Variants in ZNF365 observed in about 807,000 individuals in gnomAD.
ZNF365 encodes zinc finger protein 365, also known as protein ZNF365.
In ZNF365, 22 loss-of-function variants were observed where a neutral mutation model predicts 35.0. The ratio of observed to expected loss-of-function variants is 0.63; its 90% CI spans 0.45 to 0.90. ZNF365 has a LOEUF of 0.90. ZNF365 is among the 40% of genes least tolerant of loss of function. The pLI, the probability that ZNF365 is intolerant of heterozygous loss-of-function variation, is 0.00. For missense variants in ZNF365, 448 were observed against 500.3 expected, an observed-to-expected ratio of 0.90 and a Z score of 1.00; for synonymous variants, 188 against 196.2, an observed-to-expected ratio of 0.96 and a Z score of 0.35.
chr10:62,414,580 T>C (rs760751406), intron 3 of ZNF365, among the ~76,000 whole-genome samples: 9 of 152,168 alleles, frequency 5.9e-5, no homozygotes, highest in Non-Finnish European at 7.3e-5. Context: ...ACCTGGTGGA[T>C]CATCCAGGTA....
At chr10:62,422,312 C>T (rs1313562954) in intron 3 of ZNF365, among the ~76,000 whole-genome samples, 1 of 152,126 alleles carries the variant, frequency 6.6e-6, no homozygotes, top group Admixed American at 6.5e-5. Context: ...AGTCGCTATG[C>T]CTTACACCCT....
chr10:62,464,334 C>G (rs1010592708), intron 4 of ZNF365, among the ~76,000 whole-genome samples: 1 of 152,196 alleles, frequency 6.6e-6, no homozygotes. Context: ...TCAAAACACC[C>G]CATCCTATTT....
At chr10:62,455,700 T>C (rs1337985107) in intron 3 of ZNF365, among the ~76,000 whole-genome samples, 2 of 152,170 alleles carry the variant, frequency 1.3e-5, no homozygotes, top group African/African-American at 4.8e-5. Context: ...AAATATTGAA[T>C]GTTTACCACA....
chr10:62,399,658 G>T lies in ZNF365; in HGVS notation c.1093G>T (p.Glu365Ter). 2 of 1,614,118 alleles carry T rather than the reference G, an allele frequency of 1.2e-6. No homozygotes were observed. Among genetic ancestry groups the T allele is most frequent in the Non-Finnish European group, 1.7e-6 (2 of 1,180,032 alleles). Residue 365 changes from glutamate to a stop codon, truncating the protein, a stop_gained, in exon 5 of 5, where the codon GAA (glutamate) becomes TAA (stop). Transcript: ENST00000395254. LOFTEE classifies it high-confidence loss of function. ...ASMQPAKAIH[E>*]QAESSRDLCR... The stretch of plus-strand genomic sequence containing the variant: ...CATGCAGCCTGCCAAGGCCATTCAC[G>T]AACAGGCTGAGTCCTCAAGAGACCT...
chr10:62,478,438 T>G (rs899657380), intron 4 of ZNF365, among the ~76,000 whole-genome samples: 70 of 152,226 alleles, frequency 4.6e-4, no homozygotes, highest in African/African-American at 1.5e-3. Context: ...TGGGAAGTCT[T>G]ACTTTTACAT....
chr10:62,452,836 A>T (rs1840705401), intron 3 of ZNF365, among the ~76,000 whole-genome samples: 1 of 152,256 alleles, frequency 6.6e-6, no homozygotes, highest in Non-Finnish European at 1.5e-5. Flanking sequence ...AAGATATTAA[A>T]TTATTCTCCT....
downstream of ZNF365, among the ~76,000 whole-genome samples, chr10:62,404,339 G>A (rs78434809): frequency 0.021 from 3,221 of 152,300 alleles, 130 homozygotes; most frequent in African/African-American, 0.074. Flanking sequence ...TACATATTTT[G>A]TGTGGCTGCA....
intron 2 of ZNF365, among the ~76,000 whole-genome samples, chr10:62,379,793 A>G (rs953703388): frequency 1.3e-5 from 2 of 152,192 alleles, no homozygotes; most frequent in Non-Finnish European, 2.9e-5. Flanking sequence ...TGCTTCCACC[A>G]AAGAGTTGGC....
At chr10:62,413,789 A>T (rs1399584628) in intron 3 of ZNF365, among the ~76,000 whole-genome samples, 1 of 152,212 alleles carries the variant, frequency 6.6e-6, no homozygotes, top group Admixed American at 6.5e-5. Flanking sequence ...AACCAGAAAT[A>T]AGAGGAGGAG....
Position 62,401,944 on chromosome 10 carries a change from T to G in ZNF365, c.*2155T>G, listed in dbSNP as rs939687121. The stretch of plus-strand genomic sequence containing the variant: ...TGTTTTTTTACGTTCCCACTAAATT[T>G]TGACCCCATATAAAGAAATGTGTTA... On this transcript the variant is annotated 3_prime_UTR_variant, in exon 5 of 5. Coordinates refer to ENST00000395254, the MANE Select transcript of ZNF365 (RefSeq NM_014951.3). 5.1e-6 allele frequency: 5 copies of G among 985,548 alleles called. No individual in the cohort carries two copies. Among genetic ancestry groups the G allele is most frequent in the Non-Finnish European group, 4.8e-6 (4 of 829,892 alleles). The allele number at this position is 985,548 out of a possible 1,614,324, so 61.1% of individuals were successfully genotyped here. A position where few individuals can be genotyped will look rare whatever the true frequency, so the allele number is the denominator to read the frequency against.
intron 3 of ZNF365, among the ~76,000 whole-genome samples, chr10:62,428,402 T>C (rs1472589467): frequency 6.6e-6 from 1 of 152,096 alleles, no homozygotes; most frequent in Non-Finnish European, 1.5e-5. Flanking sequence ...CTCATGATAG[T>C]GAGTGAGCTC....
At position 62,381,658 on chromosome 10, in the gene ZNF365, A is replaced by C. The variant is rs1839441433; in HGVS notation, c.743+4722A>C. Among the ~76,000 whole-genome samples, 4 of 152,114 alleles carry C rather than the reference A, an allele frequency of 2.6e-5. No homozygotes were observed. The South Asian group carries it at 8.3e-4, about 31-fold the overall frequency. ...CATCTGAGGTGTTGGGAGGCAGGGG[A>C]AGGGTGGCATCATCAGTGTGGTCAT... On this transcript the variant is annotated intron_variant, in intron 2 of 4. Coordinates refer to ENST00000395254, the MANE Select transcript of ZNF365 (RefSeq NM_014951.3).
At chr10:62,433,847 T>C (rs1199076559) in intron 3 of ZNF365, among the ~76,000 whole-genome samples, 1 of 152,212 alleles carries the variant, frequency 6.6e-6, no homozygotes, top group African/African-American at 2.4e-5. Flanking sequence ...GGGTGCTTAG[T>C]TTCCTTGTGT....
At chr10:62,450,441 C>T (rs1188271394) in intron 3 of ZNF365, among the ~76,000 whole-genome samples, 1 of 152,160 alleles carries the variant, frequency 6.6e-6, no homozygotes, top group Non-Finnish European at 1.5e-5. Flanking sequence ...AGGCCCTGTA[C>T]CTGGTTTAAT....
chr10:62,447,718 A>T (rs1840613462), intron 3 of ZNF365, among the ~76,000 whole-genome samples: 1 of 152,132 alleles, frequency 6.6e-6, no homozygotes, highest in Non-Finnish European at 1.5e-5. Flanking sequence ...TTTGCGGGGA[A>T]TCACGCTTCC....
chr10:62,445,880 GGAACGAGGC>G (rs372308367), intron 3 of ZNF365, among the ~76,000 whole-genome samples: 36 of 152,228 alleles, frequency 2.4e-4, no homozygotes, highest in African/African-American at 8.4e-4. Flanking sequence ...GTAAACAATT[GGAACGAGGC>G]AGAGATCCAG....
intron 3 of ZNF365, among the ~76,000 whole-genome samples, chr10:62,419,790 A>G (rs942874935): frequency 1.3e-5 from 2 of 152,168 alleles, no homozygotes; most frequent in African/African-American, 4.8e-5. Flanking sequence ...AAGTTCATCA[A>G]TAGTTTTTTC....
Position 62,399,783 on chromosome 10 carries a change from C to T in ZNF365, c.1218C>T (p.Ile406=). The T allele has an allele frequency of 7.4e-6, 12 of 1,611,894 alleles. No individual in the cohort carries two copies. The highest frequency in any genetic ancestry group is 1.0e-5 in the Non-Finnish European group (12 of 1,179,112). The change falls in exon 5 of 5, where the codon ATC becomes ATT. Residue 406 remains isoleucine (I), a synonymous_variant. Coordinates refer to ENST00000395254, the MANE Select transcript of ZNF365 (RefSeq NM_014951.3). ...AAAAGCCAACAGCCATTGTGAACAT[C>T]ATCTAAAAGGGTGGGTGGTGCTGGA... ...AKKKPTAIVN[I]I
intron 4 of ZNF365, among the ~76,000 whole-genome samples, chr10:62,475,277 A>G (rs1003549339): frequency 6.6e-6 from 1 of 152,178 alleles, no homozygotes; most frequent in East Asian, 1.9e-4. Flanking sequence ...AAGACACTTT[A>G]AAGTCTGCAG....
Sources: allele counts gnomAD v4.1 joint callset (sites outside exome capture counted in the v4.1 genomes callset), GRCh38; gene constraint gnomAD v4.1.1; transcripts MANE v1.5; gene names NCBI Gene and HGNC (gene_info 2026-07-23, HGNC 2026-07-21).